Variants in EIF4E2 observed in about 807,000 individuals in gnomAD.
EIF4E2 encodes the protein eukaryotic translation initiation factor 4E family member 2, also known as eukaryotic translation initiation factor 4E type 2.
EIF4E2 carries 13 observed loss-of-function variants against 34.2 expected under a neutral mutation model. The observed-to-expected ratio is 0.38, with a 90% CI of 0.25 to 0.60. The LOEUF (loss-of-function observed/expected upper bound fraction) is 0.60. Among genes scored for constraint, EIF4E2 ranks in the 20% least tolerant of loss-of-function variants. The probability of loss-of-function intolerance (pLI) is 0.62; values close to 1 mark genes in which losing one functional copy is unlikely to be tolerated. For missense variants in EIF4E2, 222 were observed against 315.1 expected, an observed-to-expected ratio of 0.70 and a Z score of 2.24; for synonymous variants, 100 against 106.6, an observed-to-expected ratio of 0.94 and a Z score of 0.38.
chr2:232,555,506 A>G (rs1395794811), intron 1 of EIF4E2, among the ~76,000 whole-genome samples: 1 of 152,194 alleles, frequency 6.6e-6, no homozygotes. Context: ...GCAAGAACAC[A>G]TTTATTCTTT....
chr2:232,575,932 G>A (rs371721740), intron 6 of EIF4E2, among the ~76,000 whole-genome samples: 2 of 151,960 alleles, frequency 1.3e-5, no homozygotes, highest in Non-Finnish European at 2.9e-5. Flanking sequence ...TTTGCTGGGC[G>A]CAGTGGCTCA....
rs970920841 is a variant in EIF4E2, at chr2:232,566,278, C to T, written c.376-551C>T. Among the ~76,000 whole-genome samples the T allele has an allele frequency of 1.3e-5, 2 of 152,156 alleles. No individual in the cohort carries two copies. The highest frequency in any genetic ancestry group is 2.9e-5 in the Non-Finnish European group (2 of 68,036). On this transcript the variant is annotated intron_variant, in intron 4 of 6. Coordinates refer to ENST00000258416, the MANE Select transcript of EIF4E2 (RefSeq NM_004846.4). The surrounding 1 kb of genome is among the most constrained non-coding windows in gnomAD (Gnocchi z 4.9). ...CTCGGCTCCCTGCAAGCTCTGCCTC[C>T]CGAGTTCACGCCATTCTCCCGCCTC...
intron 6 of EIF4E2, among the ~76,000 whole-genome samples, chr2:232,575,983 A>G (rs1175394709): frequency 6.6e-6 from 1 of 152,136 alleles, no homozygotes; most frequent in Non-Finnish European, 1.5e-5. Context: ...AGGCGGGCAG[A>G]TCACGAGGTC....
downstream of EIF4E2, chr2:232,574,185 G>A (rs1396876699): frequency 2.1e-6 from 3 of 1,399,394 alleles, no homozygotes; most frequent in Admixed American, 2.0e-5. Flanking sequence ...GGGGATGTGG[G>A]GTTATTGTGT....
chr2:232,571,581 G>A (rs1693092139), downstream of EIF4E2, among the ~76,000 whole-genome samples: 2 of 152,196 alleles, frequency 1.3e-5, no homozygotes, highest in Admixed American at 1.3e-4. Flanking sequence ...TCCCATAGTG[G>A]GCTACAGCAC....
intron 6 of EIF4E2, among the ~76,000 whole-genome samples, chr2:232,580,346 G>T (rs76172264): frequency 6.6e-6 from 1 of 152,090 alleles, no homozygotes; most frequent in Non-Finnish European, 1.5e-5. Context: ...AAAAGAAAGG[G>T]GGGGAGAGAG....
chr2:232,568,207 T>G (rs535610777), intron 6 of EIF4E2: 1 of 985,414 alleles, frequency 1.0e-6, no homozygotes, highest in African/African-American at 1.7e-5. Context: ...AGGCTAGTAG[T>G]GAGCCCAGCA....
exon 7 of EIF4E2, chr2:232,583,454 T>TGTGTTC (rs1693407829): frequency 6.6e-6 from 1 of 151,784 alleles, no homozygotes; most frequent in Non-Finnish European, 1.5e-5. Context: ...TGTGTGTGTG[T>TGTGTTC]GTTCCCTATG....
chr2:232,550,882 G>A (rs1296888602), intron 1 of EIF4E2, 138 bp downstream of exon 1: 5 of 884,052 alleles, frequency 5.7e-6, no homozygotes, highest in Non-Finnish European at 8.5e-6. Context: ...ACCTGGCCTG[G>A]ACTGGCGGGG....
chr2:232,569,533 A>C (rs1693040219), downstream of EIF4E2, among the ~76,000 whole-genome samples: 1 of 152,206 alleles, frequency 6.6e-6, no homozygotes, highest in African/African-American at 2.4e-5. Flanking sequence ...TTCAGGTTGG[A>C]AAGGGGGATC....
In EIF4E2 at chr2:232,569,160, C is replaced by T. The variant is rs915827477; in HGVS notation, c.*143C>T. 20 of 1,464,674 alleles carry T rather than the reference C, an allele frequency of 1.4e-5. No homozygotes were observed. Among genetic ancestry groups the T allele is most frequent in the Middle Eastern group, 1.8e-4 (1 of 5,616 alleles). 90.7% of individuals were successfully genotyped at this position (1,464,674 alleles called of 1,614,324 possible). A position where few individuals can be genotyped will look rare whatever the true frequency, so the allele number is the denominator to read the frequency against. Reference sequence around the variant, plus strand: ...TTTATGTTTTAAGAACAGGCTGACACGCAGCAGCTACAACAACAGCTGAGA... The same window carrying T: ...TTTATGTTTTAAGAACAGGCTGACATGCAGCAGCTACAACAACAGCTGAGA... On this transcript the variant is annotated 3_prime_UTR_variant, in exon 7 of 7. Coordinates refer to ENST00000258416, the MANE Select transcript of EIF4E2 (RefSeq NM_004846.4).
chr2:232,581,147 T>A lies in EIF4E2; in HGVS notation c.*204T>A, dbSNP rs1273934153. On this transcript the variant is annotated 3_prime_UTR_variant, in exon 7 of 7. Transcript: ENST00000409098. The surrounding 1 kb of genome is among the most constrained non-coding windows in gnomAD (Gnocchi z 5.2). ...TTATAAAGCGGAAAAACGGAAAACG[T>A]GACTTTGTAATAGACAAACATTGTT... The A allele has an allele frequency of 9.9e-6, 7 of 706,206 alleles. No individual in the cohort carries two copies. Among genetic ancestry groups the A allele is most frequent in the Non-Finnish European group, 1.6e-5 (6 of 381,148 alleles). 43.7% of individuals were successfully genotyped at this position (706,206 alleles called of 1,614,324 possible).
chr2:232,561,173 C>T (rs1418670969), intron 3 of EIF4E2, among the ~76,000 whole-genome samples: 14 of 152,090 alleles, frequency 9.2e-5, no homozygotes, highest in Admixed American at 9.2e-4. Flanking sequence ...GTAGCTCATG[C>T]CTGTAATCCC....
intron 3 of EIF4E2, among the ~76,000 whole-genome samples, chr2:232,559,422 A>G (rs1443526480): frequency 1.4e-5 from 2 of 144,450 alleles, no homozygotes; most frequent in Non-Finnish European, 3.0e-5. Context: ...ACTTTTTTTT[A>G]AAGTGCTTTG....
chr2:232,551,348 A>G, intron 1 of EIF4E2: 1 of 465,776 alleles, frequency 2.1e-6, no homozygotes, highest in Non-Finnish European at 4.5e-6. Flanking sequence ...ACCTAAGTAT[A>G]CTTGTTGCCC....
chr2:232,573,837 C>A (rs1309405240), downstream of EIF4E2: 1 of 350,888 alleles, frequency 2.8e-6, no homozygotes, highest in Non-Finnish European at 5.6e-6. Context: ...CTGGCCTTTA[C>A]CCTCAGTGAG....
At chr2:232,558,201 T>C (rs1193292347) in intron 3 of EIF4E2, 183 bp downstream of exon 3, 3 of 638,654 alleles carry the variant, frequency 4.7e-6, no homozygotes, top group East Asian at 3.0e-5. Flanking sequence ...ATGGTTAGCA[T>C]GTAGGTATCA....
chr2:232,580,984 G>T (rs1693343308), exon 7 of EIF4E2: 1 of 1,542,926 alleles, frequency 6.5e-7, no homozygotes, highest in African/African-American at 1.4e-5. Flanking sequence ...GTATGTGTGT[G>T]TTTGTCCGAA....
chr2:232,552,495 C>A (rs1283639401), intron 1 of EIF4E2, among the ~76,000 whole-genome samples: 1 of 152,194 alleles, frequency 6.6e-6, no homozygotes, highest in Non-Finnish European at 1.5e-5. Flanking sequence ...CAGGCATGAG[C>A]CACCACCCCC....
Sources: gnomAD v4.1 joint callset for allele counts (sites outside exome capture counted in the v4.1 genomes callset) on GRCh38, gnomAD v4.1.1 for gene constraint, Gnocchi (gnomAD v3.1) non-coding constraint, MANE v1.5 for transcripts, NCBI Gene and HGNC (gene_info 2026-07-23, HGNC 2026-07-21) for gene names.